Variants in LCP2 observed in about 807,000 individuals in gnomAD.
LCP2 encodes lymphocyte cytosolic protein 2, also known as 76 kDa tyrosine phosphoprotein.
Under a neutral mutation model 74.5 loss-of-function variants are expected in LCP2, and 29 were observed. The observed-to-expected ratio is 0.39, with a 90% CI of 0.29 to 0.53. The LOEUF (loss-of-function observed/expected upper bound fraction) is 0.53. Ranked by LOEUF, LCP2 falls within the 20% of genes least tolerant of loss-of-function variation. The pLI, the probability that LCP2 is intolerant of heterozygous loss-of-function variation, is 0.72. For missense variants in LCP2, 604 were observed against 634.6 expected, an observed-to-expected ratio of 0.95 and a Z score of 0.52; for synonymous variants, 228 against 229.5, an observed-to-expected ratio of 0.99 and a Z score of 0.06.
In LCP2 at chr5:170,246,277, C is replaced by A; in HGVS notation, c.*2420G>T. 1.7e-6 allele frequency: 1 copy of A among 572,688 alleles called. No homozygotes were observed. The highest frequency in any genetic ancestry group is 2.9e-6 in the Non-Finnish European group (1 of 344,142). 35.5% of individuals were successfully genotyped at this position (572,688 alleles called of 1,614,324 possible). A position where few individuals can be genotyped will look rare whatever the true frequency, so the allele number is the denominator to read the frequency against. ...TTTAATGTTTTGAAGAATGGCTTAA[C>A]TTACGTCACTAATGGCAAGTGTATG... is the stretch of plus-strand genomic sequence containing the variant. On this transcript the variant is annotated 3_prime_UTR_variant, in exon 21 of 21. Coordinates refer to ENST00000046794, the MANE Select transcript of LCP2 (RefSeq NM_005565.5).
Position 170,275,781 on chromosome 5 carries a change from C to A in LCP2, c.254+14G>T, listed in dbSNP as rs1311993114. 6.4e-7 allele frequency: 1 copy of A among 1,572,130 alleles called. No individual in the cohort carries two copies. Among genetic ancestry groups the A allele is most frequent in the Non-Finnish European group, 8.6e-7 (1 of 1,156,128 alleles). On this transcript the variant is annotated intron_variant, in intron 4 of 20. Transcript: ENST00000046794. ...CTGAAAAATCTTGCGTTTCCTTACA[C>A]CAGCCGCACTCACTTGCGTGTGAAG...
At chr5:170,275,650 C>G (rs1303633641) in intron 4 of LCP2, 145 bp downstream of exon 4, 12 of 743,794 alleles carry the variant, frequency 1.6e-5, no homozygotes, top group Non-Finnish European at 2.3e-5. Flanking sequence ...ACCCCTTCCC[C>G]TCGTTGGACA....
chr5:170,256,548 G>T lies in LCP2; in HGVS notation c.1128C>A (p.Ser376=), dbSNP rs746729436. 9.9e-6 allele frequency: 16 copies of T among 1,613,140 alleles called. No individual in the cohort carries two copies. Among genetic ancestry groups the T allele is most frequent in the African/African-American group, 2.7e-5 (2 of 74,894 alleles). The part of the protein sequence containing the change: ...ESNSSFPQSA[S]LPPYFSQGPS... ...AACCTTGAGAGAAGTATGGTGGCAGGGAGGCACTCTGTGGAAAACTGCTGT... is the reference window on the plus strand; with the variant it reads ...AACCTTGAGAGAAGTATGGTGGCAGTGAGGCACTCTGTGGAAAACTGCTGT... Residue 376 remains serine (S), a synonymous_variant, in exon 17 of 21, where the codon TCC becomes TCA. Transcript: ENST00000046794. The surrounding 1 kb of genome is among the most constrained non-coding windows in gnomAD (Gnocchi z 4.5).
At chr5:170,297,426 T>C (rs1304721087) in intron 1 of LCP2, 108 bp downstream of exon 1, 5 of 936,752 alleles carry the variant, frequency 5.3e-6, no homozygotes, top group Non-Finnish European at 8.0e-6. Flanking sequence ...AGGGTTCCAT[T>C]GCTATCTTAT....
At chr5:170,266,746 G>A (rs1581063659) in intron 10 of LCP2, 62 bp downstream of exon 10, 2 of 1,381,336 alleles carry the variant, frequency 1.4e-6, no homozygotes, top group East Asian at 2.3e-5. Context: ...TGAAACGTAT[G>A]CAGGAAGCAC....
rs762918896 is a variant in LCP2 at position 170,256,611 on chromosome 5, T to A, written c.1101-36A>T. On this transcript the variant is annotated intron_variant, in intron 16 of 20. Coordinates refer to ENST00000046794, the MANE Select transcript of LCP2 (RefSeq NM_005565.5). The surrounding 1 kb of genome is among the most constrained non-coding windows in gnomAD (Gnocchi z 4.5). Reference sequence around the variant, plus strand: ...AGAAAAAGAACAAAATTTATTTGGATTGGGGTGATGGGGCCAGACAGGGGA... The same window carrying A: ...AGAAAAAGAACAAAATTTATTTGGAATGGGGTGATGGGGCCAGACAGGGGA... 1.5e-5 allele frequency: 23 copies of A among 1,512,596 alleles called. No homozygotes were observed. The highest frequency in any genetic ancestry group is 2.0e-5 in the Non-Finnish European group (22 of 1,088,144). The allele number at this position is 1,512,596 out of a possible 1,614,324, so 93.7% of individuals were successfully genotyped here. A position where few individuals can be genotyped will look rare whatever the true frequency, so the allele number is the denominator to read the frequency against.
intron 3 of LCP2, among the ~76,000 whole-genome samples, chr5:170,286,579 A>G (rs1277821002): frequency 6.6e-6 from 1 of 152,176 alleles, no homozygotes; most frequent in African/African-American, 2.4e-5. Context: ...AGGGGAATGA[A>G]TTTTAAATTT....
At chr5:170,249,831 T>G (rs115409619) in intron 20 of LCP2, among the ~76,000 whole-genome samples, 1 of 152,196 alleles carries the variant, frequency 6.6e-6, no homozygotes, top group African/African-American at 2.4e-5. Flanking sequence ...AAGACTAATC[T>G]GCTAGGTGCC....
At chr5:170,294,100 G>T (rs769788433) in intron 1 of LCP2, among the ~76,000 whole-genome samples, 10 of 152,186 alleles carry the variant, frequency 6.6e-5, no homozygotes, top group African/African-American at 2.4e-4. Context: ...CTTGCATGAG[G>T]TTCCATGGGT....
In LCP2 at chr5:170,256,538, A is replaced by G. The variant is rs779583620; in HGVS notation, c.1138T>C (p.Tyr380His). 6.2e-7 allele frequency: 1 copy of G among 1,613,160 alleles called. No individual in the cohort carries two copies. The highest frequency in any genetic ancestry group is 1.1e-5 in the South Asian group (1 of 91,064). ...CCAGAGTACAAACCTTGAGAGAAGTATGGTGGCAGGGAGGCACTCTGTGGA... is the reference window on the plus strand; with the variant it reads ...CCAGAGTACAAACCTTGAGAGAAGTGTGGTGGCAGGGAGGCACTCTGTGGA... ...SFPQSASLPP[Y>H]FSQGPSNRPP... is the part of the protein sequence containing the mutation. Residue 380 changes from tyrosine (Y) to histidine (H), a missense_variant, in exon 17 of 21, where the codon TAC becomes CAC. Physicochemically the swap from Tyr to His is moderately conservative, Grantham distance 83 (BLOSUM62 2). Transcript: ENST00000046794. This position sits in a 1 kb window ranked among gnomAD's most constrained non-coding sequence, Gnocchi z 4.5.
intron 1 of LCP2, among the ~76,000 whole-genome samples, chr5:170,294,344 T>C (rs768361456): frequency 2.0e-5 from 3 of 152,216 alleles, no homozygotes; most frequent in Non-Finnish European, 2.9e-5. Context: ...CCGAGTTATA[T>C]AGGATCCATA....
At chr5:170,266,458 T>C (rs1234102590) in intron 10 of LCP2, among the ~76,000 whole-genome samples, 1 of 152,182 alleles carries the variant, frequency 6.6e-6, no homozygotes, top group Non-Finnish European at 1.5e-5. Flanking sequence ...TCAGGTCCTC[T>C]CTCTGTACCC....
intron 3 of LCP2, among the ~76,000 whole-genome samples, chr5:170,282,344 T>C (rs1208219487): frequency 1.3e-5 from 2 of 152,206 alleles, no homozygotes; most frequent in Non-Finnish European, 2.9e-5. Flanking sequence ...ATGAATAAAG[T>C]ATTGAACGCC....
chr5:170,276,881 T>A (rs547185213), intron 3 of LCP2, among the ~76,000 whole-genome samples: 2 of 151,460 alleles, frequency 1.3e-5, no homozygotes, highest in Admixed American at 6.6e-5. Context: ...ATCGAGACCA[T>A]CCTGGCCAAC....
Position 170,297,732 on chromosome 5 carries a change from A to AAC in LCP2, c.-123_-122dup. The AAC allele has an allele frequency of 2.7e-6, 2 of 739,452 alleles. No homozygotes were observed. Among genetic ancestry groups the AAC allele is most frequent in the Non-Finnish European group, 4.4e-6 (2 of 457,034 alleles). The allele number at this position is 739,452 out of a possible 1,614,324, so 45.8% of individuals were successfully genotyped here. On this transcript the variant is annotated 5_prime_UTR_variant, in exon 1 of 21. Coordinates refer to ENST00000046794, the MANE Select transcript of LCP2 (RefSeq NM_005565.5). ...CTTCCAACTCCCAGCTACCCTGTGG[A>AAC]ACACCCCTGTTGGAGCCGATGTCTT...
At position 170,268,444 on chromosome 5, in the gene LCP2, C is replaced by A. The variant is rs1358015631; in HGVS notation, c.562G>T (p.Val188Leu). ...GCGGCCATCGGTCTCTGGGGGGGCACAGGAGGCTGCTGGGGGGTTTTCCCA... is the reference window on the plus strand; with the variant it reads ...GCGGCCATCGGTCTCTGGGGGGGCAAAGGAGGCTGCTGGGGGGTTTTCCCA... The part of the protein sequence containing the change: ...PSGKTPQQPP[V>L]PPQRPMAALP... The change falls in exon 8 of 21, where the codon GTG becomes TTG. Residue 188 changes from valine to leucine, a missense_variant. Transcript: ENST00000046794. 2.5e-6 allele frequency: 1 copy of A among 392,806 alleles called. No homozygotes were observed. Among genetic ancestry groups the A allele is most frequent in the Non-Finnish European group, 3.8e-6 (1 of 264,670 alleles). The allele number at this position is 392,806 out of a possible 1,614,324, so 24.3% of individuals were successfully genotyped here. A position where few individuals can be genotyped will look rare whatever the true frequency, so the allele number is the denominator to read the frequency against.
rs1761559259 is a variant in LCP2, at chr5:170,256,703, A to T, written c.1101-128T>A. 2.0e-5 allele frequency: 14 copies of T among 705,246 alleles called. No homozygotes were observed. The South Asian group carries it at 2.0e-4, about 10-fold the overall frequency. 43.7% of individuals were successfully genotyped at this position (705,246 alleles called of 1,614,324 possible). ...GTATCACTTTCCCTGCTGCCCCCAA[A>T]ACCATGGGGGCTGGGCACAGGGACA... On this transcript the variant is annotated intron_variant, in intron 16 of 20. Transcript: ENST00000046794. The surrounding 1 kb of genome is among the most constrained non-coding windows in gnomAD (Gnocchi z 4.5).
chr5:170,290,929 A>G (rs1762276504), intron 2 of LCP2, among the ~76,000 whole-genome samples: 1 of 145,156 alleles, frequency 6.9e-6, no homozygotes, highest in African/African-American at 2.6e-5. Context: ...GAAAGAAGAG[A>G]GAGAAAGAAG....
At chr5:170,289,597 TTC>T (rs957146035) in intron 2 of LCP2, among the ~76,000 whole-genome samples, 4 of 146,690 alleles carry the variant, frequency 2.7e-5, no homozygotes, top group Non-Finnish European at 6.0e-5. Flanking sequence ...CTCCTTTTCT[TTC>T]TTTCTTTCTT....
Sources: allele counts gnomAD v4.1 joint callset (sites outside exome capture counted in the v4.1 genomes callset), GRCh38; gene constraint gnomAD v4.1.1; non-coding constraint Gnocchi (gnomAD v3.1); transcripts MANE v1.5; gene names NCBI Gene and HGNC (gene_info 2026-07-23, HGNC 2026-07-21).